Variants in EMILIN3 observed in about 807,000 individuals in gnomAD.
EMILIN3 encodes the protein EMILIN-3.
A neutral mutation model predicts 42.8 loss-of-function variants in EMILIN3; 38 were observed. The ratio of observed to expected loss-of-function variants is 0.89; its 90% CI spans 0.69 to 1.16. The LOEUF (loss-of-function observed/expected upper bound fraction) is 1.16. Among genes scored for constraint, EMILIN3 ranks in the 50% most tolerant of loss-of-function variants. The pLI is 0.00. For missense variants in EMILIN3, 924 were observed against 999.5 expected (o/e 0.92, Z 1.02); for synonymous variants, 430 against 440.5 (o/e 0.98, Z 0.30).
chr20:41,365,364 C>T lies in EMILIN3; in HGVS notation c.168-207G>A, dbSNP rs138574516. Among the ~76,000 whole-genome samples the T allele has an allele frequency of 7.7e-3, 1,168 of 152,314 alleles. 11 individuals are homozygous for T. Among genetic ancestry groups the T allele is most frequent in the African/African-American group, 0.027 (1,103 of 41,560 alleles). ...TGATTCCAGCCTCCGTGATGGGTGG[C>T]CCCTGGGCTAAGCACTATTTGGAAC... On this transcript the variant is annotated intron_variant, in intron 1 of 3. Transcript: ENST00000332312.
chr20:41,363,741 C>T lies in EMILIN3; in HGVS notation c.411G>A (p.Gly137=), dbSNP rs760205343. 2.7e-5 allele frequency: 43 copies of T among 1,614,108 alleles called. No homozygotes were observed. In the South Asian group the frequency reaches 4.5e-4, roughly 17 times the overall value. Residue 137 remains glycine, a synonymous_variant, in exon 3 of 4, where the codon GGG becomes GGA. Transcript: ENST00000332312. ...KRCPEHLTDH[G]AASPQLEPEP... is the part of the protein sequence containing the mutation. ...CAGGCTCCAGCTGGGGTGAGGCAGCCCCATGGTCCGTGAGGTGCTCAGGGC... is the reference window on the plus strand; with the variant it reads ...CAGGCTCCAGCTGGGGTGAGGCAGCTCCATGGTCCGTGAGGTGCTCAGGGC...
chr20:41,361,674 G>T lies in EMILIN3; in HGVS notation c.1895C>A (p.Ala632Asp). ...RERKVEAEVQ[A>D]IQEQVSSQGS... Reference sequence around the variant, plus strand: ...TTGGCTGCTGACCTGCTCCTGGATGGCCTGGACTTCGGCTTCCACCTTGCG... The same window carrying T: ...TTGGCTGCTGACCTGCTCCTGGATGTCCTGGACTTCGGCTTCCACCTTGCG... The change falls in exon 4 of 4, where the codon GCC (alanine) becomes GAC (aspartate). Residue 632 changes from alanine (A) to aspartate (D), a missense_variant. Physicochemically the swap from Ala to Asp is moderately radical, Grantham distance 126 (BLOSUM62 -2). Coordinates refer to ENST00000332312, the MANE Select transcript of EMILIN3 (RefSeq NM_052846.2). The T allele has an allele frequency of 6.2e-7, 1 of 1,606,536 alleles. No homozygotes were observed.
rs745889445 is a variant in EMILIN3 at position 41,361,829 on chromosome 20, A to G, written c.1740T>C (p.Leu580=). 1.9e-5 allele frequency: 30 copies of G among 1,613,392 alleles called. No individual in the cohort carries two copies. The highest frequency in any genetic ancestry group is 2.5e-5 in the Non-Finnish European group (30 of 1,180,050). Residue 580 remains leucine, a synonymous_variant, in exon 4 of 4, where the codon CTT becomes CTC. Coordinates refer to ENST00000332312, the MANE Select transcript of EMILIN3 (RefSeq NM_052846.2). ...CCTTGAGCAGAGTGATCTCGCCTTG[A>G]AGTGAGCTGCCCGTCCCTTCTGCCA... ...GQLAEGTGSS[L]QGEITLLKVN...
rs1200026233 is a variant in EMILIN3, at chr20:41,361,014, ACT to A, written c.*252_*253del. 8.6e-6 allele frequency: 4 copies of A among 465,510 alleles called. No individual in the cohort carries two copies. The highest frequency in any genetic ancestry group is 1.5e-5 in the Non-Finnish European group (4 of 264,000). The allele number at this position is 465,510 out of a possible 1,614,324, so 28.8% of individuals were successfully genotyped here. A position where few individuals can be genotyped will look rare whatever the true frequency, so the allele number is the denominator to read the frequency against. On this transcript the variant is annotated 3_prime_UTR_variant, in exon 4 of 4. Transcript: ENST00000332312. ...CTGATTTGCTGACAGTGGAATGTGA[ACT>A]CTCTCAAGTCTACCCTGGCCTTCAA... is the stretch of plus-strand genomic sequence containing the variant.
At position 41,366,680 on chromosome 20, in the gene EMILIN3, G is replaced by T; in HGVS notation, c.-46C>A. On this transcript the variant is annotated 5_prime_UTR_variant, in exon 1 of 4. Coordinates refer to ENST00000332312, the MANE Select transcript of EMILIN3 (RefSeq NM_052846.2). This position sits in a 1 kb window ranked among gnomAD's most constrained non-coding sequence, Gnocchi z 4.2. ...CCGGCCCCGCGCGGTGCCCCCCGCC[G>T]GGTGTCCGCCTGCAGCGCCGCGCCG... is the stretch of plus-strand genomic sequence containing the variant. 1.0e-6 allele frequency: 1 copy of T among 983,980 alleles called. No homozygotes were observed. 61.0% of individuals were successfully genotyped at this position (983,980 alleles called of 1,614,324 possible). A position where few individuals can be genotyped will look rare whatever the true frequency, so the allele number is the denominator to read the frequency against.
rs764325381 is a variant in EMILIN3 at position 41,361,378 on chromosome 20, G to T, written c.2191C>A (p.Leu731Met). ...REGLWSHVDQ[L>M]NRTLAQHTQD... ...GTGTGCTGGGCCAGCGTACGATTCA[G>T]CTGGTCCACATGGCTCCACAGGCCC... is the stretch of plus-strand genomic sequence containing the variant. The change falls in exon 4 of 4, where the codon CTG (leucine) becomes ATG (methionine). Residue 731 changes from leucine to methionine, a missense_variant. By Grantham distance (15) the Leu-to-Met change is conservative. Transcript: ENST00000332312. 2 of 1,613,220 alleles carry T rather than the reference G, an allele frequency of 1.2e-6. No individual in the cohort carries two copies. The highest frequency in any genetic ancestry group is 1.7e-5 in the Admixed American group (1 of 60,002).
Position 41,365,139 on chromosome 20 carries a change from C to T in EMILIN3, c.186G>A (p.Val62=). The T allele has an allele frequency of 6.2e-7, 1 of 1,613,934 alleles. No individual in the cohort carries two copies. Among genetic ancestry groups the T allele is most frequent in the Non-Finnish European group, 8.5e-7 (1 of 1,179,900 alleles). ...GGATGCAGGTCACATTCCTGTGCAC[C>T]ACATAGGCACAGAGGGCCCTACAGG... ...PGPHKALCAY[V]VHRNVTCILQ... is the part of the protein sequence containing the mutation. Residue 62 remains valine (V), a synonymous_variant, in exon 2 of 4, where the codon GTG becomes GTA. Coordinates refer to ENST00000332312, the MANE Select transcript of EMILIN3 (RefSeq NM_052846.2).
At position 41,363,830 on chromosome 20, in the gene EMILIN3, C is replaced by T; in HGVS notation, c.322G>A (p.Val108Ile). 2 of 1,614,114 alleles carry T rather than the reference C, an allele frequency of 1.2e-6. No homozygotes were observed. Among genetic ancestry groups the T allele is most frequent in the South Asian group, 1.1e-5 (1 of 91,082 alleles). Residue 108 changes from valine (V) to isoleucine (I), a missense_variant, in exon 3 of 4, where the codon GTT becomes ATT. Physicochemically the swap from Val to Ile is conservative, Grantham distance 29 (BLOSUM62 3). Transcript: ENST00000332312. ...AGGTCTGTCACTGTCTTGTAGCCAA[C>T]CTTGTATTTGGGTCTGAGTACTGTG... ...YRTVLRPKYKVGYKTVTDLAW... is the reference protein window; with the variant it reads ...YRTVLRPKYKIGYKTVTDLAW...
At position 41,360,190 on chromosome 20, in the gene EMILIN3, G is replaced by GT. The variant is rs2046341065; in HGVS notation, c.*1077dup. On this transcript the variant is annotated 3_prime_UTR_variant, in exon 4 of 4. Transcript: ENST00000332312. Reference sequence around the variant, plus strand: ...AGGCCTGAGGAACATGCATTTTCAAGTTGTCCATTGATGGTTTCGTACCTG... The same window carrying GT: ...AGGCCTGAGGAACATGCATTTTCAAGTTTGTCCATTGATGGTTTCGTACCTG... 6.6e-6 allele frequency: 1 copy of GT among 152,616 alleles called. No individual in the cohort carries two copies. The allele number at this position is 152,616 out of a possible 1,614,324, so 9.5% of individuals were successfully genotyped here. A position where few individuals can be genotyped will look rare whatever the true frequency, so the allele number is the denominator to read the frequency against.
chr20:41,365,772 C>T (rs1259591218), intron 1 of EMILIN3, among the ~76,000 whole-genome samples: 1 of 152,244 alleles, frequency 6.6e-6, no homozygotes, highest in African/African-American at 2.4e-5. Flanking sequence ...GCCAGCACCC[C>T]AGGCAGAGCC....
At position 41,361,477 on chromosome 20, in the gene EMILIN3, C is replaced by T. The variant is rs2147033415; in HGVS notation, c.2092G>A (p.Gly698Ser). 6.2e-7 allele frequency: 1 copy of T among 1,608,252 alleles called. No homozygotes were observed. Reference sequence around the variant, plus strand: ...AGCAGGCCCAGCCTCCTGCACGCACCCTCCACTTGTGCCACCCGCTGGTCA... The same window carrying T: ...AGCAGGCCCAGCCTCCTGCACGCACTCTCCACTTGTGCCACCCGCTGGTCA... ...HFDQRVAQVE[G>S]ACRRLGLLAA... is the part of the protein sequence containing the mutation. The change falls in exon 4 of 4, where the codon GGT becomes AGT. Residue 698 changes from glycine to serine, a missense_variant. Transcript: ENST00000332312.
In EMILIN3 at chr20:41,361,958, C is replaced by CA. The variant is rs1186457559; in HGVS notation, c.1610dup (p.Lys538GlufsTer66). On this transcript the variant is annotated frameshift_variant, in exon 4 of 4. Transcript: ENST00000332312. LOFTEE classifies it high-confidence loss of function. Reference sequence around the variant, plus strand: ...CCTCGCTCCGGCTCTGCCAGGCCTTCACCTCTGCCACGAGGCTGTCCAGGA... The same window carrying CA: ...CCTCGCTCCGGCTCTGCCAGGCCTTCAACCTCTGCCACGAGGCTGTCCAGGA... The CA allele has an allele frequency of 1.2e-6, 2 of 1,612,238 alleles. No individual in the cohort carries two copies. Among genetic ancestry groups the CA allele is most frequent in the African/African-American group, 2.7e-5 (2 of 74,928 alleles).
chr20:41,366,068 G>A lies in EMILIN3; in HGVS notation c.167+400C>T, dbSNP rs984896228. On this transcript the variant is annotated intron_variant, in intron 1 of 3. Transcript: ENST00000332312. The surrounding 1 kb of genome is among the most constrained non-coding windows in gnomAD (Gnocchi z 4.2). ...GCGCAGCTCTATCTCCTACCTGGCCGGGCCAGGGGAGAGAAGGGAGGCCCG... is the reference window on the plus strand; with the variant it reads ...GCGCAGCTCTATCTCCTACCTGGCCAGGCCAGGGGAGAGAAGGGAGGCCCG... Among the ~76,000 whole-genome samples the A allele has an allele frequency of 1.3e-5, 2 of 152,156 alleles. No homozygotes were observed. Among genetic ancestry groups the A allele is most frequent in the African/African-American group, 2.4e-5 (1 of 41,444 alleles).
At position 41,361,729 on chromosome 20, in the gene EMILIN3, C is replaced by A; in HGVS notation, c.1840G>T (p.Ala614Ser). ...SVSQYSDAFL[A>S]ANTSLDERER... ...CGCTCATCCAGGGACGTGTTGGCAG[C>A]CAAGAAGGCATCAGAGTACTGGCTG... Residue 614 changes from alanine to serine, a missense_variant, in exon 4 of 4, where the codon GCT (alanine) becomes TCT (serine). Transcript: ENST00000332312. 6.2e-7 allele frequency: 1 copy of A among 1,613,260 alleles called. No individual in the cohort carries two copies. The highest frequency in any genetic ancestry group is 8.5e-7 in the Non-Finnish European group (1 of 1,179,738).
Position 41,361,525 on chromosome 20 carries a change from G to C in EMILIN3, c.2044C>G (p.Leu682Val). The change falls in exon 4 of 4, where the codon CTT becomes GTT. Residue 682 changes from leucine to valine, a missense_variant. Leu to Val is a conservative substitution (Grantham distance 32). Coordinates refer to ENST00000332312, the MANE Select transcript of EMILIN3 (RefSeq NM_052846.2). ...TCAAAGTGTCCCACTGTGTGCTGAA[G>C]TTTCTGGGCTGTGTCCTGGCAGCGG... ...LSRCQDTAQK[L>V]QHTVGHFDQR... is the part of the protein sequence containing the mutation. 6.2e-7 allele frequency: 1 copy of C among 1,613,178 alleles called. No homozygotes were observed. The highest frequency in any genetic ancestry group is 2.2e-5 in the East Asian group (1 of 44,880).
Position 41,360,016 on chromosome 20 carries a change from A to C in EMILIN3, c.*1252T>G, listed in dbSNP as rs1430596055. 6.6e-6 allele frequency: 1 copy of C among 152,606 alleles called. No homozygotes were observed. Among genetic ancestry groups the C allele is most frequent in the Non-Finnish European group, 1.5e-5 (1 of 68,046 alleles). 9.5% of individuals were successfully genotyped at this position (152,606 alleles called of 1,614,324 possible). A position where few individuals can be genotyped will look rare whatever the true frequency, so the allele number is the denominator to read the frequency against. On this transcript the variant is annotated 3_prime_UTR_variant, in exon 4 of 4. Transcript: ENST00000332312. The stretch of plus-strand genomic sequence containing the variant: ...GCCTGCCCTACTCTGATAGTACCAG[A>C]GTGGAGGGCAGAATACCAAATGTCC...
rs771578697 is a variant in EMILIN3 at position 41,362,663 on chromosome 20, C to G, written c.906G>C (p.Glu302Asp). The G allele has an allele frequency of 7.4e-6, 12 of 1,611,116 alleles. No homozygotes were observed. In the South Asian group the frequency reaches 1.2e-4, roughly 16 times the overall value. Residue 302 changes from glutamate (E) to aspartate (D), a missense_variant, in exon 4 of 4, where the codon GAG (glutamate) becomes GAC (aspartate). Transcript: ENST00000332312. ...SPLTSLALLE[E>D]YVDRRLHRLW... ...GTCGGTGCAGCCGTCGGTCCACGTACTCCTCCAGCAGGGCCAGGGAGGTGA... is the reference window on the plus strand; with the variant it reads ...GTCGGTGCAGCCGTCGGTCCACGTAGTCCTCCAGCAGGGCCAGGGAGGTGA...
At position 41,366,307 on chromosome 20, in the gene EMILIN3, G is replaced by A. The variant is rs1656506708; in HGVS notation, c.167+161C>T. Among the ~76,000 whole-genome samples, 1 of 151,654 alleles carries A rather than the reference G, an allele frequency of 6.6e-6. No homozygotes were observed. Among genetic ancestry groups the A allele is most frequent in the Non-Finnish European group, 1.5e-5 (1 of 67,828 alleles). On this transcript the variant is annotated intron_variant, in intron 1 of 3. Coordinates refer to ENST00000332312, the MANE Select transcript of EMILIN3 (RefSeq NM_052846.2). This position sits in a 1 kb window ranked among gnomAD's most constrained non-coding sequence, Gnocchi z 4.2. ...CCCGCAACCTCCCGGAGCGTAGGGC[G>A]CTCGCCTGGGCAGGGGCTCGGCCCC...
chr20:41,363,859 T>G lies in EMILIN3; in HGVS notation c.293A>C (p.Tyr98Ser). The G allele has an allele frequency of 1.9e-6, 3 of 1,612,626 alleles. No homozygotes were observed. The highest frequency in any genetic ancestry group is 2.5e-6 in the Non-Finnish European group (3 of 1,178,844). ...WGPKCPGTVT[Y>S]RTVLRPKYKV... ...GTATTTGGGTCTGAGTACTGTGCGG[T>G]ACCTGGGCCAGGGAGGGCAAGAGAG... The change falls in exon 3 of 4, where the codon TAC becomes TCC. Residue 98 changes from tyrosine (Y) to serine (S), a missense_variant and splice_region_variant. By Grantham distance (144) the Tyr-to-Ser change is moderately radical. Coordinates refer to ENST00000332312, the MANE Select transcript of EMILIN3 (RefSeq NM_052846.2).
Sources: allele counts gnomAD v4.1 joint callset (sites outside exome capture counted in the v4.1 genomes callset), GRCh38; gene constraint gnomAD v4.1.1; non-coding constraint Gnocchi (gnomAD v3.1); transcripts MANE v1.5; gene names NCBI Gene and HGNC (gene_info 2026-07-23, HGNC 2026-07-21).